SPATS2: variants seen among roughly 807,000 people sequenced by gnomAD.
The protein encoded by SPATS2 is spermatogenesis-associated serine-rich protein 2.
In SPATS2, 38 loss-of-function variants were observed where a neutral mutation model predicts 63.7. The observed-to-expected ratio is 0.60, with a 90% CI of 0.46 to 0.78. The LOEUF (loss-of-function observed/expected upper bound fraction) is 0.78, where lower values mean the gene tolerates loss of function less well. SPATS2 is among the 30% of genes least tolerant of loss of function. SPATS2 has a pLI of 0.00. For synonymous variants in SPATS2, 207 were observed against 232.9 expected, an observed-to-expected ratio of 0.89 and a Z score of 1.01; for missense variants, 588 against 666.2, an observed-to-expected ratio of 0.88 and a Z score of 1.29.
intron 2 of SPATS2, among the ~76,000 whole-genome samples, chr12:49,379,197 G>A (rs1944164504): frequency 6.6e-6 from 1 of 151,576 alleles, no homozygotes; most frequent in Non-Finnish European, 1.5e-5. Flanking sequence ...TGGGATTACA[G>A]GTGTGAGCCA....
rs201300077 is a variant in SPATS2, at chr12:49,488,050, AT to A, written c.106-1404del. 5.8e-4 allele frequency among the ~76,000 whole-genome samples: 84 copies of A among 145,750 alleles called. No homozygotes were observed. The South Asian group carries it at 0.013, about 22-fold the overall frequency. ...TGATGTATATTATTTTTCATCCTGT[AT>A]TTTTTTTTTTGAGACGGAGTTTCGC... On this transcript the variant is annotated intron_variant, in intron 4 of 13. Coordinates refer to ENST00000552918, the MANE Select transcript of SPATS2 (RefSeq NM_023071.4).
At chr12:49,499,450 G>C (rs994870260) in intron 8 of SPATS2, among the ~76,000 whole-genome samples, 2 of 145,606 alleles carry the variant, frequency 1.4e-5, no homozygotes, top group Non-Finnish European at 3.0e-5. Context: ...TTTTTTGGTG[G>C]TTCTTTGGTT....
intron 4 of SPATS2, among the ~76,000 whole-genome samples, chr12:49,485,856 T>C (rs948838483): frequency 6.7e-6 from 1 of 149,834 alleles, no homozygotes; most frequent in Non-Finnish European, 1.5e-5. Context: ...ACCTCCTGGG[T>C]TCAAGTGATT....
chr12:49,478,728 T>TA (rs1373264372), intron 3 of SPATS2, among the ~76,000 whole-genome samples: 2 of 152,192 alleles, frequency 1.3e-5, no homozygotes, highest in African/African-American at 2.4e-5. Flanking sequence ...AACTGGATCT[T>TA]ACCTCTTCTG....
At chr12:49,455,920 G>A (rs913676758) in intron 2 of SPATS2, among the ~76,000 whole-genome samples, 1 of 152,150 alleles carries the variant, frequency 6.6e-6, no homozygotes, top group African/African-American at 2.4e-5. Context: ...TGGTGCCCAG[G>A]TCCCTTAGTC....
At position 49,526,056 on chromosome 12, in the gene SPATS2, C is replaced by T. The variant is rs374076189; in HGVS notation, c.1439C>T (p.Ser480Leu). The T allele has an allele frequency of 4.3e-6, 7 of 1,614,214 alleles. No homozygotes were observed. Among genetic ancestry groups the T allele is most frequent in the East Asian group, 2.2e-5 (1 of 44,894 alleles). ...AGTATGGGTCGTTACAGAAACAGCT[C>T]GTGGTATTCATCTGGTTCCAGGTAT... ...HDSMGRYRNS[S>L]WYSSGSRYQS... Residue 480 changes from serine to leucine, a missense_variant, in exon 14 of 14, where the codon TCG becomes TTG. Ser to Leu is a moderately radical substitution (Grantham distance 145). Transcript: ENST00000552918.
chr12:49,421,305 C>T (rs1343137022), intron 2 of SPATS2, among the ~76,000 whole-genome samples: 2 of 149,314 alleles, frequency 1.3e-5, no homozygotes, highest in South Asian at 4.2e-4. Context: ...GTAATCCCAG[C>T]TACATGGGAG....
chr12:49,400,532 G>A (rs1368918803), intron 2 of SPATS2, among the ~76,000 whole-genome samples: 2 of 152,156 alleles, frequency 1.3e-5, no homozygotes, highest in Admixed American at 6.5e-5. Context: ...CTAGGCAATA[G>A]GGTTTGGAGT....
chr12:49,380,167 C>CTT lies in SPATS2; in HGVS notation c.-244+8893_-244+8894dup, dbSNP rs1307437668. On this transcript the variant is annotated intron_variant, in intron 2 of 13. Coordinates refer to ENST00000552918, the MANE Select transcript of SPATS2 (RefSeq NM_023071.4). ...ATGTATCAACCTCATTCCTCTCTCTCTTTTTTTTTTTTTTTTTGAGACAAA... is the reference window on the plus strand; with the variant it reads ...ATGTATCAACCTCATTCCTCTCTCTCTTTTTTTTTTTTTTTTTTTGAGACAAA... Among the ~76,000 whole-genome samples, 234 of 136,488 alleles carry CTT rather than the reference C, an allele frequency of 1.7e-3. 1 individual carries two copies. Among genetic ancestry groups the CTT allele is most frequent in the Non-Finnish European group, 2.3e-3 (144 of 63,310 alleles). 89.5% of individuals were successfully genotyped at this position (136,488 alleles called of 152,430 possible). A position where few individuals can be genotyped will look rare whatever the true frequency, so the allele number is the denominator to read the frequency against.
intron 2 of SPATS2, among the ~76,000 whole-genome samples, chr12:49,412,256 G>A (rs946034995): frequency 6.6e-6 from 1 of 151,898 alleles, no homozygotes; most frequent in Non-Finnish European, 1.5e-5. Flanking sequence ...ATGCAGTGGC[G>A]CCGTCTTGGC....
At chr12:49,499,391 G>GTTGTTTTGTTTTGTTTTGTT (rs367735131) in intron 8 of SPATS2, among the ~76,000 whole-genome samples, 52 of 146,548 alleles carry the variant, frequency 3.5e-4, no homozygotes, top group African/African-American at 1.2e-3. Flanking sequence ...GTTCTGCCTG[G>GTTGTTTTGTTTTGTTTTGTT]TTGTTTTGTT....
intron 3 of SPATS2, among the ~76,000 whole-genome samples, chr12:49,475,175 G>A (rs569696216): frequency 2.0e-5 from 3 of 152,258 alleles, no homozygotes; most frequent in East Asian, 3.9e-4. Context: ...AACATAAGAT[G>A]AGTCTGACAA....
chr12:49,513,036 G>C (rs970421552), intron 9 of SPATS2: 1 of 629,426 alleles, frequency 1.6e-6, no homozygotes, highest in African/African-American at 1.9e-5. Context: ...AACATCATGC[G>C]TAACGATTAT....
At chr12:49,448,288 C>T (rs1370286793) in intron 2 of SPATS2, among the ~76,000 whole-genome samples, 23 of 151,698 alleles carry the variant, frequency 1.5e-4, no homozygotes, top group African/African-American at 4.8e-4. Flanking sequence ...CAGGCACCCG[C>T]CACCATGCCC....
chr12:49,456,939 G>A (rs1945729697), intron 2 of SPATS2, among the ~76,000 whole-genome samples: 1 of 151,898 alleles, frequency 6.6e-6, no homozygotes, highest in South Asian at 2.1e-4. Context: ...TCTTCTGAAA[G>A]GTTTGCTTCA....
intron 2 of SPATS2, among the ~76,000 whole-genome samples, chr12:49,431,782 C>T (rs370972286): frequency 6.6e-5 from 10 of 152,178 alleles, no homozygotes; most frequent in African/African-American, 1.4e-4. Flanking sequence ...TTTGTAATCC[C>T]AGCACTTTGG....
At chr12:49,429,439 C>G (rs1398850776) in intron 2 of SPATS2, among the ~76,000 whole-genome samples, 2 of 151,980 alleles carry the variant, frequency 1.3e-5, no homozygotes, top group African/African-American at 4.8e-5. Context: ...CCATTTTGAC[C>G]TGAGGAAATC....
chr12:49,408,963 A>G (rs1163541205), intron 2 of SPATS2, among the ~76,000 whole-genome samples: 2 of 152,218 alleles, frequency 1.3e-5, no homozygotes, highest in East Asian at 3.8e-4. Flanking sequence ...TGTTGGTTGC[A>G]TCCTGTGAAA....
intron 9 of SPATS2, 117 bp from the exon 10 acceptor site, chr12:49,514,438 T>G: frequency 1.2e-6 from 1 of 847,498 alleles, no homozygotes; most frequent in Non-Finnish European, 1.8e-6. Flanking sequence ...TACAATATTA[T>G]TTTTTAGTAT....
Sources: allele counts gnomAD v4.1 joint callset (sites outside exome capture counted in the v4.1 genomes callset), GRCh38; gene constraint gnomAD v4.1.1; transcripts MANE v1.5; gene names NCBI Gene and HGNC (gene_info 2026-07-23, HGNC 2026-07-21).